ATF7IP2: variants seen among roughly 807,000 people sequenced by gnomAD.
ATF7IP2 encodes the protein activating transcription factor 7 interacting protein 2.
ATF7IP2 carries 42 observed loss-of-function variants against 64.2 expected under a neutral mutation model. The ratio of observed to expected loss-of-function variants is 0.65; its 90% CI spans 0.51 to 0.85. The LOEUF (loss-of-function observed/expected upper bound fraction) is 0.85. ATF7IP2 is among the 40% of genes least tolerant of loss of function. ATF7IP2 has a pLI of 0.00. For synonymous variants in ATF7IP2, 308 were observed against 272.8 expected (o/e 1.13, Z -1.27); for missense variants, 933 against 784.2 (o/e 1.19, Z -2.27).
chr16:10,444,205 C>A (rs184800086), intron 8 of ATF7IP2, among the ~76,000 whole-genome samples: 2 of 152,110 alleles, frequency 1.3e-5, no homozygotes, highest in African/African-American at 4.8e-5. Flanking sequence ...GGGTAGCTAA[C>A]GAAAGAAAGA....
chr16:10,411,136 T>C (rs551635003), intron 1 of ATF7IP2, among the ~76,000 whole-genome samples: 3 of 152,188 alleles, frequency 2.0e-5, no homozygotes, highest in Non-Finnish European at 2.9e-5. Flanking sequence ...TAAGGACTTT[T>C]GCATCTAAGT....
At chr16:10,474,868 T>C (rs941610806) in intron 12 of ATF7IP2, among the ~76,000 whole-genome samples, 1 of 151,948 alleles carries the variant, frequency 6.6e-6, no homozygotes, top group African/African-American at 2.4e-5. Context: ...CATTAAAAGG[T>C]TGGGGGAAAA....
intron 10 of ATF7IP2, among the ~76,000 whole-genome samples, chr16:10,472,390 A>G (rs966743968): frequency 2.0e-5 from 3 of 152,144 alleles, no homozygotes; most frequent in African/African-American, 7.2e-5. Context: ...CTTGTGTTTT[A>G]TCAGTTTAGG....
In ATF7IP2 at chr16:10,430,974, G is replaced by T; in HGVS notation, c.354G>T (p.Lys118Asn). Residue 118 changes from lysine (K) to asparagine (N), a missense_variant, in exon 5 of 14, where the codon AAG (lysine) becomes AAT (asparagine). Physicochemically the swap from Lys to Asn is moderately conservative, Grantham distance 94 (BLOSUM62 0). Coordinates refer to ENST00000562102, the MANE Select transcript of ATF7IP2 (RefSeq NM_001393719.1). ...AACAAGTTGTTTGTTCGTACCAAAAGCCAAGTAGAACAACAGAATCCCCCA... is the reference window on the plus strand; with the variant it reads ...AACAAGTTGTTTGTTCGTACCAAAATCCAAGTAGAACAACAGAATCCCCCA... ...KLEQVVCSYQ[K>N]PSRTTESPSR... is the part of the protein sequence containing the mutation. The T allele has an allele frequency of 6.2e-7, 1 of 1,614,144 alleles. No homozygotes were observed. Among genetic ancestry groups the T allele is most frequent in the Non-Finnish European group, 8.5e-7 (1 of 1,180,032 alleles).
In ATF7IP2 at chr16:10,482,288, T is replaced by G. The variant is rs527477334; in HGVS notation, c.*39T>G. The G allele has an allele frequency of 4.1e-5, 58 of 1,429,866 alleles. No homozygotes were observed. The highest frequency in any genetic ancestry group is 5.3e-5 in the Non-Finnish European group (56 of 1,052,944). The allele number at this position is 1,429,866 out of a possible 1,614,324, so 88.6% of individuals were successfully genotyped here. On this transcript the variant is annotated 3_prime_UTR_variant, in exon 14 of 14. Coordinates refer to ENST00000562102, the MANE Select transcript of ATF7IP2 (RefSeq NM_001393719.1). ...ATGATATACTACTTTTTTTTTCATA[T>G]TTGTTTGTTTGCAATGTTACTGTAA...
chr16:10,452,933 C>G (rs1436126173), intron 8 of ATF7IP2, among the ~76,000 whole-genome samples: 1 of 152,162 alleles, frequency 6.6e-6, no homozygotes, highest in Non-Finnish European at 1.5e-5. Flanking sequence ...TGCCCCTCCC[C>G]TCACCAAGCT....
chr16:10,454,907 GATTTC>G (rs1444836293), intron 8 of ATF7IP2, among the ~76,000 whole-genome samples: 1 of 152,088 alleles, frequency 6.6e-6, no homozygotes, highest in Non-Finnish European at 1.5e-5. Flanking sequence ...TATAATACCT[GATTTC>G]ATTTGGTCAG....
At position 10,483,175 on chromosome 16, in the gene ATF7IP2, A is replaced by G. The variant is rs1018139716; in HGVS notation, c.*926A>G. 2.0e-5 allele frequency: 3 copies of G among 152,234 alleles called. No individual in the cohort carries two copies. Among genetic ancestry groups the G allele is most frequent in the African/African-American group, 7.2e-5 (3 of 41,456 alleles). 9.4% of individuals were successfully genotyped at this position (152,234 alleles called of 1,614,324 possible). On this transcript the variant is annotated 3_prime_UTR_variant, in exon 14 of 14. Transcript: ENST00000562102. ...GTCTTTCCTGAATCTGTTTGTAGACATAATAAAATTTGTGTGCTGTGTACA... is the reference window on the plus strand; with the variant it reads ...GTCTTTCCTGAATCTGTTTGTAGACGTAATAAAATTTGTGTGCTGTGTACA...
intron 9 of ATF7IP2, among the ~76,000 whole-genome samples, chr16:10,464,984 C>T (rs1346572629): frequency 6.6e-6 from 1 of 152,124 alleles, no homozygotes; most frequent in South Asian, 2.1e-4. Flanking sequence ...GCATGTGTTG[C>T]CACGCCCAGC....
At chr16:10,444,267 T>A (rs1357025547) in intron 8 of ATF7IP2, among the ~76,000 whole-genome samples, 1 of 152,164 alleles carries the variant, frequency 6.6e-6, no homozygotes, top group African/African-American at 2.4e-5. Flanking sequence ...TGGAAGGTGT[T>A]GGCCCGGGAG....
At chr16:10,390,804 A>G (rs1251105598) in intron 1 of ATF7IP2, among the ~76,000 whole-genome samples, 2 of 152,118 alleles carry the variant, frequency 1.3e-5, no homozygotes, top group Admixed American at 1.3e-4. Flanking sequence ...GGAAAAAGAG[A>G]GACTGAAAAA....
intron 3 of ATF7IP2, among the ~76,000 whole-genome samples, chr16:10,428,315 T>G (rs75537550): frequency 0.033 from 5,043 of 152,306 alleles, 122 homozygotes; most frequent in East Asian, 0.13. Flanking sequence ...AGAGGCATTT[T>G]TTTACTCCAG....
intron 12 of ATF7IP2, among the ~76,000 whole-genome samples, chr16:10,475,477 G>A (rs925782394): frequency 6.6e-6 from 1 of 152,074 alleles, no homozygotes; most frequent in African/African-American, 2.4e-5. Flanking sequence ...AGATCATGAG[G>A]TCAGGAGATC....
intron 2 of ATF7IP2, among the ~76,000 whole-genome samples, chr16:10,417,263 C>T (rs2141832092): frequency 6.6e-6 from 1 of 152,202 alleles, no homozygotes; most frequent in African/African-American, 2.4e-5. Context: ...GGATGAAATG[C>T]TCCACTGAAA....
At chr16:10,453,859 C>T (rs1027743798) in intron 8 of ATF7IP2, among the ~76,000 whole-genome samples, 15 of 152,000 alleles carry the variant, frequency 9.9e-5, no homozygotes, top group South Asian at 6.2e-4. Flanking sequence ...TCATGTGATC[C>T]GCCTGCCCTG....
intron 1 of ATF7IP2, among the ~76,000 whole-genome samples, chr16:10,402,504 C>T (rs1359917753): frequency 1.3e-5 from 2 of 152,082 alleles, no homozygotes; most frequent in Admixed American, 1.3e-4. Flanking sequence ...ACTCTGTCAC[C>T]CAGGCTGGAG....
chr16:10,417,438 C>G (rs72779773), intron 2 of ATF7IP2, among the ~76,000 whole-genome samples: 10,090 of 152,144 alleles, frequency 0.066, 424 homozygotes, highest in East Asian at 0.11. Context: ...CTAGACATAT[C>G]TCACATACAA....
At chr16:10,455,186 G>A (rs1282728962) in intron 8 of ATF7IP2, among the ~76,000 whole-genome samples, 1 of 152,196 alleles carries the variant, frequency 6.6e-6, no homozygotes, top group East Asian at 1.9e-4. Flanking sequence ...GGTGAAAAGA[G>A]TCTTTGTAGG....
chr16:10,405,607 A>T (rs2047622408), intron 1 of ATF7IP2, among the ~76,000 whole-genome samples: 1 of 152,182 alleles, frequency 6.6e-6, no homozygotes, highest in Non-Finnish European at 1.5e-5. Flanking sequence ...CCCAAGGAAC[A>T]TTCTTATCAC....
Sources: gnomAD v4.1 joint callset for allele counts (sites outside exome capture counted in the v4.1 genomes callset) on GRCh38, gnomAD v4.1.1 for gene constraint, MANE v1.5 for transcripts, NCBI Gene and HGNC (gene_info 2026-07-23, HGNC 2026-07-21) for gene names.